Variants in DLGAP1 observed in about 807,000 individuals in gnomAD.
DLGAP1 encodes disks large-associated protein 1.
Under a neutral mutation model 90.8 loss-of-function variants are expected in DLGAP1, and 11 were observed. The observed-to-expected ratio is 0.12, with a 90% CI of 0.08 to 0.20. DLGAP1 has a LOEUF of 0.20. Ranked by LOEUF, DLGAP1 falls within the 10% of genes least tolerant of loss-of-function variation. DLGAP1 has a pLI of 1.00. For synonymous variants in DLGAP1, 558 were observed against 540.7 expected (o/e 1.03, Z -0.44); for missense variants, 1,050 against 1,333.8 (o/e 0.79, Z 3.31).
intron 3 of DLGAP1, among the ~76,000 whole-genome samples, chr18:4,002,283 C>G (rs1053575287): frequency 7.6e-6 from 1 of 131,158 alleles, no homozygotes; most frequent in Non-Finnish European, 1.7e-5. Context: ...AAGCATCTAC[C>G]TGCCTGTCTA....
chr18:3,741,931 C>T (rs1158852452), intron 6 of DLGAP1, among the ~76,000 whole-genome samples: 1 of 151,920 alleles, frequency 6.6e-6, no homozygotes, highest in Admixed American at 6.6e-5. Context: ...CAACCTCTGC[C>T]TCCCAGTTTC....
At chr18:3,934,276 T>C (rs1229689732) in intron 3 of DLGAP1, among the ~76,000 whole-genome samples, 2 of 152,210 alleles carry the variant, frequency 1.3e-5, no homozygotes, top group Non-Finnish European at 2.9e-5. Context: ...AAAAGAATGC[T>C]TTCAAGGCCT....
At chr18:4,298,613 G>C (rs1321606742) in intron 1 of DLGAP1, among the ~76,000 whole-genome samples, 2 of 152,000 alleles carry the variant, frequency 1.3e-5, no homozygotes, top group African/African-American at 4.8e-5. Flanking sequence ...TCACACTCTG[G>C]GGACTGTTGT....
At chr18:3,977,517 C>T (rs1412268816) in intron 3 of DLGAP1, 2 of 155,690 alleles carry the variant, frequency 1.3e-5, no homozygotes, top group South Asian at 1.8e-4. Context: ...GTCTCACCCT[C>T]TTCAGGGGGT....
At chr18:4,077,169 T>C (rs2075536074) in intron 2 of DLGAP1, among the ~76,000 whole-genome samples, 1 of 152,168 alleles carries the variant, frequency 6.6e-6, no homozygotes. Flanking sequence ...ATAGTTAATA[T>C]AAATACATTA....
chr18:3,529,153 A>C (rs902119268), intron 10 of DLGAP1, among the ~76,000 whole-genome samples: 1 of 152,190 alleles, frequency 6.6e-6, no homozygotes, highest in Non-Finnish European at 1.5e-5. Flanking sequence ...CTAATTACCA[A>C]TGTATAAATA....
chr18:3,631,903 C>T (rs1439900884), intron 7 of DLGAP1, among the ~76,000 whole-genome samples: 4 of 152,158 alleles, frequency 2.6e-5, no homozygotes, highest in South Asian at 2.1e-4. Context: ...CTTATCTCAG[C>T]CTTCTGAGTA....
chr18:3,557,855 A>G (rs1184665902), intron 9 of DLGAP1, among the ~76,000 whole-genome samples: 1 of 151,858 alleles, frequency 6.6e-6, no homozygotes, highest in Non-Finnish European at 1.5e-5. Context: ...TGAACCCAGG[A>G]GGCAGAGGTT....
intron 7 of DLGAP1, among the ~76,000 whole-genome samples, chr18:3,616,086 T>C (rs2057851205): frequency 1.3e-5 from 2 of 152,174 alleles, no homozygotes; most frequent in Non-Finnish European, 2.9e-5. Context: ...GGCATAGAGT[T>C]CTGCTGAGTA....
At chr18:4,069,163 T>C (rs1301604514) in intron 2 of DLGAP1, among the ~76,000 whole-genome samples, 2 of 152,166 alleles carry the variant, frequency 1.3e-5, no homozygotes, top group African/African-American at 4.8e-5. Flanking sequence ...CCTACTAAAG[T>C]GTAAGTTCTT....
intron 7 of DLGAP1, among the ~76,000 whole-genome samples, chr18:3,698,892 G>T (rs1008033353): frequency 6.6e-6 from 1 of 151,784 alleles, no homozygotes; most frequent in African/African-American, 2.4e-5. Context: ...TCATTAAGTT[G>T]ATCTTCAATC....
intron 7 of DLGAP1, among the ~76,000 whole-genome samples, chr18:3,672,491 C>T (rs1014711547): frequency 5.6e-5 from 8 of 142,140 alleles, no homozygotes; most frequent in Non-Finnish European, 1.1e-4. Flanking sequence ...GCTGGAGAAT[C>T]GCTTGAACCT....
chr18:3,610,309 CTT>C (rs1468023817), intron 7 of DLGAP1, among the ~76,000 whole-genome samples: 2 of 152,150 alleles, frequency 1.3e-5, no homozygotes, highest in African/African-American at 4.8e-5. Flanking sequence ...AACAGCTAGG[CTT>C]TTTCTGAGGC....
intron 6 of DLGAP1, among the ~76,000 whole-genome samples, chr18:3,740,677 T>A (rs1268161689): frequency 6.6e-6 from 1 of 152,084 alleles, no homozygotes; most frequent in Non-Finnish European, 1.5e-5. Flanking sequence ...TGTTTTCATC[T>A]ATACCAGCAC....
At chr18:3,897,984 C>A (rs565359892) in intron 3 of DLGAP1, among the ~76,000 whole-genome samples, 2 of 151,562 alleles carry the variant, frequency 1.3e-5, no homozygotes, top group Non-Finnish European at 2.9e-5. Flanking sequence ...TTAGTAGAGA[C>A]GGGGTTTCAC....
chr18:4,061,934 G>T lies in DLGAP1; in HGVS notation c.-158-56733C>A, dbSNP rs545441774. ...AGGACTGTAACAGGTGCTCTTAAAT[G>T]CAGGATGCTGATAACTTTAGAGATT... On this transcript the variant is annotated intron_variant, in intron 2 of 12. Coordinates refer to ENST00000315677, the MANE Select transcript of DLGAP1 (RefSeq NM_004746.4). Among the ~76,000 whole-genome samples the T allele has an allele frequency of 3.9e-4, 59 of 152,104 alleles. 1 individual carries two copies. Among genetic ancestry groups the T allele is most frequent in the Non-Finnish European group, 1.0e-4 (7 of 68,008 alleles).
intron 4 of DLGAP1, among the ~76,000 whole-genome samples, chr18:3,821,266 C>T (rs1394685279): frequency 7.6e-6 from 1 of 131,250 alleles, no homozygotes. Flanking sequence ...CTCCAGCTGG[C>T]CGACAGAGTG....
intron 1 of DLGAP1, among the ~76,000 whole-genome samples, chr18:4,368,483 G>A (rs2081829822): frequency 6.6e-6 from 1 of 152,158 alleles, no homozygotes; most frequent in African/African-American, 2.4e-5. Flanking sequence ...CCTATCCCAA[G>A]AGCGAAGGAA....
chr18:4,012,200 G>C (rs895652769), intron 2 of DLGAP1, among the ~76,000 whole-genome samples: 2 of 152,112 alleles, frequency 1.3e-5, no homozygotes, highest in African/African-American at 4.8e-5. Flanking sequence ...TGAATGTTCT[G>C]AAATTCTCAG....
Sources: gnomAD v4.1 joint callset for allele counts (sites outside exome capture counted in the v4.1 genomes callset) on GRCh38, gnomAD v4.1.1 for gene constraint, MANE v1.5 for transcripts, NCBI Gene and HGNC (gene_info 2026-07-23, HGNC 2026-07-21) for gene names.